RNF169: variants seen among roughly 807,000 people sequenced by gnomAD.
The protein encoded by RNF169 is E3 ubiquitin-protein ligase RNF169.
In RNF169, 24 loss-of-function variants were observed where a neutral mutation model predicts 53.9. The ratio of observed to expected loss-of-function variants is 0.45; its 90% confidence interval spans 0.32 to 0.63. The LOEUF is 0.63. Ranked by LOEUF, RNF169 falls within the 20% of genes least tolerant of loss-of-function variation. RNF169 has a pLI of 0.04. For missense variants in RNF169, 883 were observed against 906.2 expected, an observed-to-expected ratio of 0.97 and a Z score of 0.33; for synonymous variants, 396 against 363.5, an observed-to-expected ratio of 1.09 and a Z score of -1.02.
At chr11:74,817,562 A>G (rs764805532) in intron 3 of RNF169, 34 bp from the exon 4 acceptor site, 3 of 1,377,962 alleles carry the variant, frequency 2.2e-6, no homozygotes, top group South Asian at 2.3e-5. Context: ...GGAACTCCAA[A>G]TGGACAGTGT....
At chr11:74,825,472 T>C (rs1212420892) in intron 4 of RNF169, among the ~76,000 whole-genome samples, 3 of 152,166 alleles carry the variant, frequency 2.0e-5, no homozygotes, top group Non-Finnish European at 2.9e-5. Context: ...AATCCCTCAA[T>C]AGACCAATAA....
intron 1 of RNF169, among the ~76,000 whole-genome samples, chr11:74,766,973 A>G (rs1292641885): frequency 1.3e-5 from 2 of 152,202 alleles, no homozygotes; most frequent in Non-Finnish European, 2.9e-5. Context: ...ACTCTCATGA[A>G]CACAGATTTT....
intron 2 of RNF169, among the ~76,000 whole-genome samples, chr11:74,798,359 G>A (rs796662456): frequency 6.6e-6 from 1 of 151,070 alleles, no homozygotes; most frequent in Non-Finnish European, 1.5e-5. Context: ...CCCCCTGGGC[G>A]TGGTCATCTC....
chr11:74,831,343 C>T (rs1341831276), intron 4 of RNF169: 1 of 152,186 alleles, frequency 6.6e-6, no homozygotes, highest in African/African-American at 2.4e-5. Context: ...CATTTCTATA[C>T]ACTAGCAGTG....
intron 2 of RNF169, among the ~76,000 whole-genome samples, chr11:74,795,857 C>CA (rs201392526): frequency 0.025 from 3,744 of 151,382 alleles, 163 homozygotes; most frequent in African/African-American, 0.086. Context: ...ACTCTTGTCT[C>CA]AAAAAAAATA....
chr11:74,773,094 C>T (rs1304922308), intron 1 of RNF169, among the ~76,000 whole-genome samples: 2 of 152,156 alleles, frequency 1.3e-5, no homozygotes, highest in African/African-American at 4.8e-5. Context: ...TTTCTAAGAA[C>T]TTAAACTGAG....
intron 2 of RNF169, among the ~76,000 whole-genome samples, chr11:74,793,778 G>A (rs544492521): frequency 1.3e-5 from 2 of 152,074 alleles, no homozygotes; most frequent in African/African-American, 4.8e-5. Context: ...TGCATGTGTT[G>A]TAGTTAGTTG....
At position 74,841,429 on chromosome 11, in the gene RNF169, T is replaced by A. The variant is rs2036525677; in HGVS notation, c.*4699T>A. ...CTGAAGAAGATTGTAGAAAAGAGAC[T>A]AAGATATATGCAAGGGTCACCAGTT... On this transcript the variant is annotated 3_prime_UTR_variant, in exon 6 of 6. Coordinates refer to ENST00000299563, the MANE Select transcript of RNF169 (RefSeq NM_001098638.2). 1 of 152,200 alleles carries A rather than the reference T, an allele frequency of 6.6e-6. No homozygotes were observed. Among genetic ancestry groups the A allele is most frequent in the Admixed American group, 6.5e-5 (1 of 15,284 alleles). The allele number at this position is 152,200 out of a possible 1,614,324, so 9.4% of individuals were successfully genotyped here. A position where few individuals can be genotyped will look rare whatever the true frequency, so the allele number is the denominator to read the frequency against.
intron 1 of RNF169, among the ~76,000 whole-genome samples, chr11:74,756,827 T>A (rs74595822): frequency 0.021 from 3,208 of 152,012 alleles, 108 homozygotes; most frequent in African/African-American, 0.073. Flanking sequence ...GGAATGAGGA[T>A]CCACTGAGGA....
intron 1 of RNF169, among the ~76,000 whole-genome samples, chr11:74,759,918 C>T (rs899300581): frequency 6.6e-5 from 10 of 151,248 alleles, no homozygotes; most frequent in African/African-American, 1.7e-4. Flanking sequence ...TGGTAGAATT[C>T]GGCTGTGAAT....
chr11:74,779,381 A>G (rs580299), intron 1 of RNF169, among the ~76,000 whole-genome samples: 40,004 of 151,940 alleles, frequency 0.26, 5,502 homozygotes, highest in South Asian at 0.42. Flanking sequence ...AAAATTTGAT[A>G]CTAAATTTTA....
rs907814306 is a variant in RNF169 at position 74,838,590 on chromosome 11, C to T, written c.*1860C>T. The T allele has an allele frequency of 6.6e-6, 1 of 152,224 alleles. No homozygotes were observed. Among genetic ancestry groups the T allele is most frequent in the Non-Finnish European group, 1.5e-5 (1 of 68,040 alleles). 9.4% of individuals were successfully genotyped at this position (152,224 alleles called of 1,614,324 possible). ...GACTACGTTGGTGGGGAACATCACT[C>T]ACCTGAATGTATGCATTCTGTGTTC... On this transcript the variant is annotated 3_prime_UTR_variant, in exon 6 of 6. Coordinates refer to ENST00000299563, the MANE Select transcript of RNF169 (RefSeq NM_001098638.2).
chr11:74,816,283 C>T (rs539552112), intron 3 of RNF169, among the ~76,000 whole-genome samples: 1 of 152,138 alleles, frequency 6.6e-6, no homozygotes, highest in Non-Finnish European at 1.5e-5. Flanking sequence ...TATTTATCTA[C>T]TATGTAACAG....
intron 1 of RNF169, among the ~76,000 whole-genome samples, chr11:74,755,443 G>A (rs1230476293): frequency 6.6e-6 from 1 of 152,218 alleles, no homozygotes; most frequent in African/African-American, 2.4e-5. Flanking sequence ...GGATATGTTT[G>A]TTAAATTTCA....
intron 1 of RNF169, among the ~76,000 whole-genome samples, chr11:74,759,864 G>T (rs949046208): frequency 6.6e-6 from 1 of 151,826 alleles, no homozygotes; most frequent in African/African-American, 2.4e-5. Context: ...TCTATTGATT[G>T]GAATAGTTTC....
chr11:74,767,365 A>G (rs984500020), intron 1 of RNF169, among the ~76,000 whole-genome samples: 1 of 151,920 alleles, frequency 6.6e-6, no homozygotes, highest in Non-Finnish European at 1.5e-5. Context: ...TTTATTATTT[A>G]AAAAAAACTA....
intron 4 of RNF169, 50 bp from the exon 5 acceptor site, chr11:74,834,622 TTACC>T: frequency 7.7e-7 from 1 of 1,293,690 alleles, no homozygotes; most frequent in Non-Finnish European, 1.1e-6. Context: ...TCCTTTTTCC[TTACC>T]TATATATGGA....
intron 4 of RNF169, chr11:74,831,706 AAAAG>A (rs1293276035): frequency 6.6e-6 from 1 of 152,150 alleles, no homozygotes; most frequent in Non-Finnish European, 1.5e-5. Context: ...AAAAAAAAAA[AAAAG>A]AACAAAGGTG....
intron 1 of RNF169, among the ~76,000 whole-genome samples, chr11:74,784,956 A>C (rs2035467159): frequency 6.6e-6 from 1 of 152,100 alleles, no homozygotes; most frequent in Admixed American, 6.5e-5. Context: ...ATATGCATGC[A>C]TGCAACATTT....
Sources: allele counts gnomAD v4.1 joint callset (sites outside exome capture counted in the v4.1 genomes callset), GRCh38; gene constraint gnomAD v4.1.1; transcripts MANE v1.5; gene names NCBI Gene and HGNC (gene_info 2026-07-23, HGNC 2026-07-21).